The following SLC12A8 variants were observed in gnomAD, a reference collection of about 807,000 sequenced individuals.
The protein encoded by SLC12A8 is solute carrier family 12 member 8.
In SLC12A8, 69 loss-of-function variants were observed where a neutral mutation model predicts 75.6. That is an observed-to-expected ratio of 0.91 (90% confidence interval 0.75 to 1.11). SLC12A8 has a LOEUF of 1.11. Ranked by LOEUF, SLC12A8 falls within the 50% of genes most tolerant of loss-of-function variation. The pLI, the probability that SLC12A8 is intolerant of heterozygous loss-of-function variation, is 0.00. For missense variants in SLC12A8, 877 were observed against 896.7 expected, an observed-to-expected ratio of 0.98 and a Z score of 0.28; for synonymous variants, 365 against 372.8, an observed-to-expected ratio of 0.98 and a Z score of 0.24.
At chr3:125,211,440 C>T (rs1935335657) in intron 1 of SLC12A8, 46 bp from the exon 2 acceptor site, 1 of 999,668 alleles carries the variant, frequency 1.0e-6, no homozygotes, top group Non-Finnish European at 1.6e-6. Flanking sequence ...CTCCTCTCCT[C>T]TCCCCTTGTT....
intron 5 of SLC12A8, among the ~76,000 whole-genome samples, chr3:125,167,416 G>A (rs1467751218): frequency 6.6e-6 from 1 of 152,180 alleles, no homozygotes; most frequent in African/African-American, 2.4e-5. Context: ...AAAGTGCTGG[G>A]ATTATAGACA....
At chr3:125,104,507 GAAAAA>G (rs35777145) in intron 10 of SLC12A8, among the ~76,000 whole-genome samples, 1 of 125,228 alleles carries the variant, frequency 8.0e-6, no homozygotes. Flanking sequence ...GTTCAAATTA[GAAAAA>G]AAAAAAAAAA....
chr3:125,113,847 A>G (rs1354797728), intron 8 of SLC12A8, among the ~76,000 whole-genome samples: 1 of 152,046 alleles, frequency 6.6e-6, no homozygotes, highest in African/African-American at 2.4e-5. Context: ...ATTTTCTCCC[A>G]GCTCCCACTT....
intron 2 of SLC12A8, chr3:125,192,638 T>C (rs1267661084): frequency 6.5e-6 from 1 of 154,374 alleles, no homozygotes; most frequent in Non-Finnish European, 1.5e-5. Context: ...GACTAGTCAA[T>C]CAGCCTCAAG....
At chr3:125,105,250 A>G (rs988366281) in intron 10 of SLC12A8, among the ~76,000 whole-genome samples, 5 of 152,144 alleles carry the variant, frequency 3.3e-5, no homozygotes, top group Non-Finnish European at 5.9e-5. Context: ...GGAATTATCA[A>G]AGAAAAACTA....
At chr3:125,168,042 AG>A (rs140116390) in intron 5 of SLC12A8, among the ~76,000 whole-genome samples, 3,435 of 152,368 alleles carry the variant, frequency 0.023, 42 homozygotes, top group Middle Eastern at 0.058. Context: ...TTCAGTGCAT[AG>A]GAGGTGTCAG....
intron 4 of SLC12A8, 94 bp downstream of exon 4, chr3:125,187,143 C>T: frequency 7.7e-7 from 1 of 1,300,412 alleles, no homozygotes; most frequent in Non-Finnish European, 1.1e-6. Flanking sequence ...GCAATTGTCC[C>T]CACCCTCGCT....
At chr3:125,125,845 G>A (rs958018489) in intron 6 of SLC12A8, 12 of 651,452 alleles carry the variant, frequency 1.8e-5, no homozygotes, top group Non-Finnish European at 2.1e-5. Flanking sequence ...TTCTGAAATA[G>A]TAATTGCATG....
chr3:125,207,238 G>C (rs1380174776), intron 2 of SLC12A8, among the ~76,000 whole-genome samples: 1 of 152,154 alleles, frequency 6.6e-6, no homozygotes. Flanking sequence ...TTGGCCTGCA[G>C]ACCTCCTAGA....
At chr3:125,185,947 T>A (rs1934772071) in intron 4 of SLC12A8, among the ~76,000 whole-genome samples, 1 of 152,202 alleles carries the variant, frequency 6.6e-6, no homozygotes, top group South Asian at 2.1e-4. Context: ...AGAAAACATC[T>A]TATCTGTGAA....
chr3:125,204,852 A>G (rs1935196450), intron 2 of SLC12A8, among the ~76,000 whole-genome samples: 2 of 152,164 alleles, frequency 1.3e-5, no homozygotes, highest in African/African-American at 4.8e-5. Flanking sequence ...ATAAATACGT[A>G]TAATTATTAT....
intron 2 of SLC12A8, among the ~76,000 whole-genome samples, chr3:125,198,979 C>A (rs796928609): frequency 5.9e-5 from 9 of 151,894 alleles, no homozygotes; most frequent in Admixed American, 5.9e-4. Context: ...GGGGTTTCAC[C>A]GTGTTAGCCA....
At chr3:125,141,828 G>A (rs996182154) in intron 5 of SLC12A8, among the ~76,000 whole-genome samples, 2 of 151,986 alleles carry the variant, frequency 1.3e-5, no homozygotes, top group East Asian at 1.9e-4. Flanking sequence ...TGGCGCAACC[G>A]AGAATAGCCA....
chr3:125,177,926 C>T lies in SLC12A8; in HGVS notation c.439G>A (p.Asp147Asn). 6.2e-7 allele frequency: 1 copy of T among 1,614,036 alleles called. No individual in the cohort carries two copies. Among genetic ancestry groups the T allele is most frequent in the South Asian group, 1.1e-5 (1 of 91,038 alleles). ...YITGFAESIS[D>N]LLGLGNIWAV... is the part of the protein sequence containing the mutation. ...CAGATATTCCCGAGGCCCAGCAAAT[C>T]CGAGATGGATTCAGCAAAGCCGGTG... The change falls in exon 5 of 14, where the codon GAT becomes AAT. Residue 147 changes from aspartate (D) to asparagine (N), a missense_variant. Physicochemically the swap from Asp to Asn is conservative, Grantham distance 23. Transcript: ENST00000469902.
intron 5 of SLC12A8, among the ~76,000 whole-genome samples, chr3:125,136,198 G>C (rs1933489710): frequency 6.6e-6 from 1 of 152,128 alleles, no homozygotes; most frequent in Admixed American, 6.5e-5. Flanking sequence ...ACAGAATCAA[G>C]TCCAAACTCC....
At chr3:125,179,761 C>T (rs1327936504) in intron 4 of SLC12A8, among the ~76,000 whole-genome samples, 1 of 151,946 alleles carries the variant, frequency 6.6e-6, no homozygotes, top group African/African-American at 2.4e-5. Flanking sequence ...CTAATGTTTT[C>T]CTGCATTCAT....
intron 2 of SLC12A8, among the ~76,000 whole-genome samples, chr3:125,198,570 G>C (rs532770628): frequency 6.7e-6 from 1 of 149,656 alleles, no homozygotes; most frequent in Non-Finnish European, 1.5e-5. Context: ...GAGGCAGAGG[G>C]TGCAGTGAGC....
In SLC12A8 at chr3:125,107,623, G is replaced by C. The variant is rs1939062383; in HGVS notation, c.1563C>G (p.Asp521Glu). 2 of 1,614,104 alleles carry C rather than the reference G, an allele frequency of 1.2e-6. No homozygotes were observed. Among genetic ancestry groups the C allele is most frequent in the Admixed American group, 1.7e-5 (1 of 60,010 alleles). Residue 521 changes from aspartate to glutamate, a missense_variant, in exon 10 of 14, where the codon GAC becomes GAG. Physicochemically the swap from Asp to Glu is conservative, Grantham distance 45. Coordinates refer to ENST00000469902, the MANE Select transcript of SLC12A8 (RefSeq NM_024628.6). ...CCTCCCAGGAGGCAGCGGGCAACCT[G>C]TCAGAGATCTCGACAGGGAAAGAAG... ...SPPSFPVEIS[D>E]RLPAASWEGQ...
At chr3:125,195,619 T>C (rs1195261765) in intron 2 of SLC12A8, among the ~76,000 whole-genome samples, 2 of 151,836 alleles carry the variant, frequency 1.3e-5, no homozygotes, top group African/African-American at 4.8e-5. Context: ...TCCATATCTG[T>C]GCATCTTCAC....
Sources: allele counts gnomAD v4.1 joint callset (sites outside exome capture counted in the v4.1 genomes callset), GRCh38; gene constraint gnomAD v4.1.1; transcripts MANE v1.5; gene names NCBI Gene and HGNC (gene_info 2026-07-23, HGNC 2026-07-21).